Variants in ANXA4 observed in about 807,000 individuals in gnomAD.
ANXA4 encodes 35-beta calcimedin.
A neutral mutation model predicts 49.8 loss-of-function variants in ANXA4; 39 were observed. The observed-to-expected ratio is 0.78, with a 90% CI of 0.61 to 1.02. The LOEUF is 1.02. Among genes scored for constraint, ANXA4 ranks in the 50% least tolerant of loss-of-function variants. The probability of loss-of-function intolerance (pLI) is 0.00; values close to 1 mark genes in which losing one functional copy is unlikely to be tolerated. For missense variants in ANXA4, 360 were observed against 410.1 expected (o/e 0.88, Z 1.05); for synonymous variants, 134 against 152.5 (o/e 0.88, Z 0.89).
intron 3 of ANXA4, among the ~76,000 whole-genome samples, chr2:69,802,400 A>G (rs1363141701): frequency 2.0e-5 from 3 of 152,160 alleles, no homozygotes; most frequent in Non-Finnish European, 4.4e-5. Context: ...AATGAAGAGG[A>G]AAGGAGAGGG....
At chr2:69,735,881 C>T (rs1292194399) in intron 3 of ANXA4, among the ~76,000 whole-genome samples, 2 of 152,186 alleles carry the variant, frequency 1.3e-5, no homozygotes, top group Admixed American at 6.5e-5. Context: ...CTGGAGTGGC[C>T]TTGAAGGCTT....
intron 3 of ANXA4, among the ~76,000 whole-genome samples, chr2:69,798,500 G>A (rs1256713737): frequency 2.6e-5 from 4 of 152,228 alleles, no homozygotes; most frequent in Non-Finnish European, 5.9e-5. Context: ...ACACCAGGGT[G>A]TGGCCCTGGC....
At chr2:69,748,727 T>TA (rs1363741575) in intron 1 of ANXA4, among the ~76,000 whole-genome samples, 8 of 149,566 alleles carry the variant, frequency 5.3e-5, no homozygotes, top group Non-Finnish European at 1.0e-4. Context: ...TTTTTTTTTT[T>TA]AATACAGGGT....
chr2:69,680,951 G>A (rs1334256864), intron 2 of ANXA4, among the ~76,000 whole-genome samples: 2 of 152,130 alleles, frequency 1.3e-5, no homozygotes, highest in Non-Finnish European at 2.9e-5. Context: ...CGGGGATAAT[G>A]ACCTTAGTTT....
intron 1 of ANXA4, among the ~76,000 whole-genome samples, chr2:69,757,264 ATATT>A (rs1282285052): frequency 1.1e-4 from 3 of 28,034 alleles, no homozygotes; most frequent in Admixed American, 6.5e-4. Context: ...ATATATATAT[ATATT>A]TTTTTTTTTT....
At chr2:69,728,780 G>A (rs1670026271) in intron 3 of ANXA4, among the ~76,000 whole-genome samples, 1 of 152,100 alleles carries the variant, frequency 6.6e-6, no homozygotes, top group Non-Finnish European at 1.5e-5. Context: ...GTTGAGTCTT[G>A]ATAGTTTTAT....
intron 1 of ANXA4, among the ~76,000 whole-genome samples, chr2:69,770,015 C>T (rs1671647614): frequency 6.6e-6 from 1 of 152,138 alleles, no homozygotes; most frequent in African/African-American, 2.4e-5. Context: ...TTATTGCCCT[C>T]AACAGTGCTG....
At chr2:69,778,781 A>G (rs1432108577) in intron 1 of ANXA4, among the ~76,000 whole-genome samples, 1 of 141,672 alleles carries the variant, frequency 7.1e-6, no homozygotes, top group East Asian at 2.0e-4. Context: ...GTCTCAAAAA[A>G]AAAAAAAAAA....
At chr2:69,663,147 C>G (rs1676789116) in intron 2 of ANXA4, among the ~76,000 whole-genome samples, 1 of 149,402 alleles carries the variant, frequency 6.7e-6, no homozygotes. Context: ...CGCCCACCAC[C>G]ACGCCCAGCT....
chr2:69,687,954 C>T (rs1210359205), intron 2 of ANXA4, among the ~76,000 whole-genome samples: 2 of 152,168 alleles, frequency 1.3e-5, no homozygotes, highest in Non-Finnish European at 2.9e-5. Context: ...TGAAAATATA[C>T]CCACAATACT....
In ANXA4 at chr2:69,807,943, T is replaced by C. The variant is rs1238691760; in HGVS notation, c.344T>C (p.Leu115Pro). 1.2e-6 allele frequency: 2 copies of C among 1,614,176 alleles called. No individual in the cohort carries two copies. Among genetic ancestry groups the C allele is most frequent in the Non-Finnish European group, 1.7e-6 (2 of 1,180,018 alleles). Residue 115 changes from leucine to proline, a missense_variant, in exon 6 of 13, where the codon CTG becomes CCG. Physicochemically the swap from Leu to Pro is moderately conservative, Grantham distance 98 (BLOSUM62 -3). Coordinates refer to ENST00000394295, the MANE Select transcript of ANXA4 (RefSeq NM_001153.5). ...GTDEGCLIEI[L>P]ASRTPEEIRR... ...GATGAGGGCTGCCTAATTGAGATCC[T>C]GGCCTCCCGGACCCCTGAGGAGATC...
intron 1 of ANXA4, among the ~76,000 whole-genome samples, chr2:69,767,801 C>T (rs1671553092): frequency 1.3e-5 from 2 of 152,002 alleles, no homozygotes; most frequent in Admixed American, 6.6e-5. Flanking sequence ...ATATGAAGAA[C>T]GAGAAAGTTT....
At chr2:69,644,165 T>TTCGCGGCCCCCCCCCCCCC (rs1553424953), upstream of ANXA4, among the ~76,000 whole-genome samples, 1 of 21,116 alleles carries the variant, frequency 4.7e-5, no homozygotes, top group Admixed American at 3.4e-4. Flanking sequence ...ACAACTAAGT[T>TTCGCGGCCCCCCCCCCCCC]CCCCCCCCCC....
intron 1 of ANXA4, among the ~76,000 whole-genome samples, chr2:69,780,200 A>G (rs765474489): frequency 2.6e-5 from 4 of 152,016 alleles, no homozygotes; most frequent in Admixed American, 2.0e-4. Flanking sequence ...CTTTTTTTCT[A>G]TCTCTCTCTT....
At chr2:69,711,209 A>T (rs2105407191) in intron 2 of ANXA4, among the ~76,000 whole-genome samples, 1 of 152,350 alleles carries the variant, frequency 6.6e-6, no homozygotes, top group African/African-American at 2.4e-5. Context: ...ACACACCTGT[A>T]ATTCCAGCTA....
chr2:69,801,119 C>T (rs12328692), intron 3 of ANXA4, among the ~76,000 whole-genome samples: 10,928 of 152,164 alleles, frequency 0.072, 1,313 homozygotes, highest in African/African-American at 0.25. Context: ...GGTGGGTTTT[C>T]AGCCTGAGCT....
chr2:69,743,443 C>G (rs1573179312), intron 1 of ANXA4, among the ~76,000 whole-genome samples: 1 of 152,104 alleles, frequency 6.6e-6, no homozygotes, highest in Non-Finnish European at 1.5e-5. Context: ...GTCTTGAACT[C>G]CTGACCTCAG....
chr2:69,786,570 A>G (rs1392615223), intron 2 of ANXA4, among the ~76,000 whole-genome samples: 2 of 152,154 alleles, frequency 1.3e-5, no homozygotes, highest in Non-Finnish European at 2.9e-5. Context: ...GCCCCAGCCC[A>G]CCCCTCTGAT....
chr2:69,685,720 C>T (rs551033403), intron 2 of ANXA4, among the ~76,000 whole-genome samples: 4 of 152,274 alleles, frequency 2.6e-5, no homozygotes, highest in Admixed American at 6.5e-5. Context: ...CTTGCTTTAA[C>T]GGTAACTAAG....
Sources: allele counts gnomAD v4.1 joint callset (sites outside exome capture counted in the v4.1 genomes callset), GRCh38; gene constraint gnomAD v4.1.1; transcripts MANE v1.5; gene names NCBI Gene and HGNC (gene_info 2026-07-23, HGNC 2026-07-21).